Variants in KAZN observed in about 807,000 individuals in gnomAD.
The protein encoded by KAZN is kazrin, periplakin interacting protein.
A neutral mutation model predicts 87.4 loss-of-function variants in KAZN; 40 were observed. The observed-to-expected ratio is 0.46, with a 90% CI of 0.36 to 0.60. The LOEUF (loss-of-function observed/expected upper bound fraction) is 0.60. KAZN is among the 20% of genes least tolerant of loss of function. KAZN has a pLI of 0.00. For missense variants in KAZN, 898 were observed against 1,073.9 expected (o/e 0.84, Z 2.29); for synonymous variants, 466 against 458.3 (o/e 1.02, Z -0.22).
At chr1:14,362,934 A>C (rs1224053962) in intron 2 of KAZN, among the ~76,000 whole-genome samples, 1 of 152,186 alleles carries the variant, frequency 6.6e-6, no homozygotes, top group African/African-American at 2.4e-5. Flanking sequence ...CTCAGCCTCC[A>C]TGAGGTCCCC....
intron 2 of KAZN, among the ~76,000 whole-genome samples, chr1:14,586,525 GTT>G (rs371736294): frequency 1.1e-4 from 14 of 125,196 alleles, no homozygotes; most frequent in Admixed American, 1.6e-4. Flanking sequence ...TTTCTTTCTG[GTT>G]TTTTTTTTTT....
chr1:13,989,572 G>A (rs1639184905), intron 1 of KAZN, among the ~76,000 whole-genome samples: 1 of 151,984 alleles, frequency 6.6e-6, no homozygotes, highest in Admixed American at 6.6e-5. Flanking sequence ...ATGGAGCAAA[G>A]CATTCATTCA....
intron 2 of KAZN, among the ~76,000 whole-genome samples, chr1:14,305,657 CTTTTTT>C (rs912078620): frequency 2.0e-5 from 3 of 147,224 alleles, no homozygotes; most frequent in Non-Finnish European, 4.5e-5. Context: ...TCTGCTCTCC[CTTTTTT>C]TTTTGTTTTC....
chr1:14,151,506 G>A (rs550223716), intron 1 of KAZN, among the ~76,000 whole-genome samples: 50 of 152,262 alleles, frequency 3.3e-4, no homozygotes, highest in Middle Eastern at 3.4e-3. Context: ...ATTAAGTTAA[G>A]GAATTGGTTG....
intron 2 of KAZN, among the ~76,000 whole-genome samples, chr1:14,548,528 T>TA (rs1371308050): frequency 1.3e-5 from 2 of 152,222 alleles, no homozygotes; most frequent in Admixed American, 6.5e-5. Flanking sequence ...TTTCGCCATA[T>TA]ATGTTTACTT....
At chr1:14,815,861 G>A (rs1332953524) in intron 1 of KAZN, among the ~76,000 whole-genome samples, 1 of 152,124 alleles carries the variant, frequency 6.6e-6, no homozygotes, top group African/African-American at 2.4e-5. Flanking sequence ...ATCTTCCTGG[G>A]TTCTGGGCAG....
chr1:14,880,489 G>A (rs1005218038), intron 1 of KAZN, among the ~76,000 whole-genome samples: 2 of 152,128 alleles, frequency 1.3e-5, no homozygotes, highest in African/African-American at 4.8e-5. Flanking sequence ...TTGTGGGTCA[G>A]GGAATTAGAC....
At chr1:14,306,412 CT>C (rs1327048801) in intron 2 of KAZN, among the ~76,000 whole-genome samples, 2 of 152,160 alleles carry the variant, frequency 1.3e-5, no homozygotes, top group Non-Finnish European at 2.9e-5. Context: ...GACTCACAGC[CT>C]CTCCAACAGG....
intron 1 of KAZN, among the ~76,000 whole-genome samples, chr1:13,975,905 A>G (rs1446671183): frequency 6.6e-6 from 1 of 152,208 alleles, no homozygotes; most frequent in Admixed American, 6.5e-5. Flanking sequence ...GTAAAGCAAC[A>G]TTTCTCAGAG....
chr1:14,609,791 G>A (rs1278699827), intron 1 of KAZN, among the ~76,000 whole-genome samples: 1 of 152,250 alleles, frequency 6.6e-6, no homozygotes, highest in Non-Finnish European at 1.5e-5. Flanking sequence ...GGTAGACGCA[G>A]CAATCTATTT....
chr1:14,903,708 G>T (rs1393058258), intron 1 of KAZN, among the ~76,000 whole-genome samples: 3 of 152,292 alleles, frequency 2.0e-5, no homozygotes, highest in East Asian at 3.9e-4. Flanking sequence ...GCAAAGAGTG[G>T]CCTTGCTTTA....
rs759769338 is a variant in KAZN, at chr1:14,434,790, G to A, written c.250-164193G>A. Among the ~76,000 whole-genome samples, 145 of 151,998 alleles carry A rather than the reference G, an allele frequency of 9.5e-4. 1 individual carries two copies. The highest frequency in any genetic ancestry group is 1.1e-3 in the Non-Finnish European group (76 of 67,988). On this transcript the variant is annotated intron_variant, in intron 2 of 16. Coordinates refer to the KAZN transcript ENST00000636203. ...CTCCAACGCACCTCCTCTCCATGGG[G>A]CACTGTCTGCTTTTCTCACTCCTAC... is the stretch of plus-strand genomic sequence containing the variant.
At position 15,066,782 on chromosome 1, in the gene KAZN, A is replaced by C; in HGVS notation, c.1222+1029A>C. 3 of 985,340 alleles carry C rather than the reference A, an allele frequency of 3.0e-6. No homozygotes were observed. In the South Asian group the frequency reaches 1.4e-4, roughly 46 times the overall value. 61.0% of individuals were successfully genotyped at this position (985,340 alleles called of 1,614,324 possible). A position where few individuals can be genotyped will look rare whatever the true frequency, so the allele number is the denominator to read the frequency against. ...GAACCCAGGGACCATTGGATTTCAA[A>C]GCTTGCTTTTTCTGTTGGTTCTTCT... On this transcript the variant is annotated intron_variant, in intron 8 of 14. Transcript: ENST00000376030. The surrounding 1 kb of genome is among the most constrained non-coding windows in gnomAD (Gnocchi z 4.3).
At chr1:14,733,887 G>A (rs1643798327) in intron 1 of KAZN, among the ~76,000 whole-genome samples, 1 of 152,166 alleles carries the variant, frequency 6.6e-6, no homozygotes, top group African/African-American at 2.4e-5. Flanking sequence ...CTCCCTCCTT[G>A]CCCAATCTGC....
chr1:15,089,732 C>CAAAAAAA (rs56260619), intron 8 of KAZN, among the ~76,000 whole-genome samples: 6 of 68,912 alleles, frequency 8.7e-5, no homozygotes, highest in Non-Finnish European at 1.2e-4. Context: ...CTTTTATTGG[C>CAAAAAAA]AAAAAAAAAA....
At chr1:14,757,228 G>A (rs1644595821) in intron 1 of KAZN, among the ~76,000 whole-genome samples, 1 of 152,192 alleles carries the variant, frequency 6.6e-6, no homozygotes, top group Non-Finnish European at 1.5e-5. Flanking sequence ...TTCACAAAGT[G>A]TACTCTGGCA....
intron 1 of KAZN, among the ~76,000 whole-genome samples, chr1:14,944,915 C>G (rs1189987174): frequency 1.3e-5 from 2 of 152,226 alleles, no homozygotes; most frequent in African/African-American, 4.8e-5. Flanking sequence ...GCCAGCTGAT[C>G]TGCATTCTGG....
chr1:14,363,321 G>A (rs572866070), intron 2 of KAZN, among the ~76,000 whole-genome samples: 36 of 152,264 alleles, frequency 2.4e-4, no homozygotes, highest in Admixed American at 4.6e-4. Flanking sequence ...CAGTCGGAAG[G>A]ATGTTCTAAG....
chr1:14,720,881 A>G (rs1643063136), intron 1 of KAZN, among the ~76,000 whole-genome samples: 1 of 151,846 alleles, frequency 6.6e-6, no homozygotes, highest in African/African-American at 2.4e-5. Flanking sequence ...CTTCCTTGCC[A>G]CTTTCCAAGG....
Sources: allele counts gnomAD v4.1 joint callset (sites outside exome capture counted in the v4.1 genomes callset), GRCh38; gene constraint gnomAD v4.1.1; non-coding constraint Gnocchi (gnomAD v3.1); transcripts MANE v1.5; gene names NCBI Gene and HGNC (gene_info 2026-07-23, HGNC 2026-07-21).